Variants in RIN2 observed in about 807,000 individuals in gnomAD.
RIN2 encodes RAB5 interacting protein 2.
Under a neutral mutation model 78.0 loss-of-function variants are expected in RIN2, and 36 were observed. That is an observed-to-expected ratio of 0.46 (90% CI 0.35 to 0.61). The LOEUF (loss-of-function observed/expected upper bound fraction) is 0.61. Ranked by LOEUF, RIN2 falls within the 20% of genes least tolerant of loss-of-function variation. The probability of loss-of-function intolerance (pLI) is 0.00; values close to 1 mark genes in which losing one functional copy is unlikely to be tolerated. For missense variants in RIN2, 1,087 were observed against 1,159.7 expected (o/e 0.94, Z 0.91); for synonymous variants, 466 against 466.8 (o/e 1.00, Z 0.02).
At chr20:19,777,841 T>A (rs2034365271) in intron 1 of RIN2, among the ~76,000 whole-genome samples, 2 of 152,238 alleles carry the variant, frequency 1.3e-5, no homozygotes, top group Non-Finnish European at 2.9e-5. Context: ...TTGCCATTTT[T>A]AAAAGTCAAA....
intron 3 of RIN2, among the ~76,000 whole-genome samples, chr20:19,924,179 A>ACCTTCATACCCC: frequency 3.1e-5 from 1 of 31,944 alleles, no homozygotes; most frequent in Admixed American, 4.5e-4. Context: ...CTTCATACCC[A>ACCTTCATACCCC]CACCTTCATA....
intron 1 of RIN2, among the ~76,000 whole-genome samples, chr20:19,764,330 A>T (rs1306776360): frequency 7.8e-6 from 1 of 128,378 alleles, no homozygotes; most frequent in African/African-American, 2.7e-5. Flanking sequence ...CCTGTGTGGT[A>T]ACTGAGGGCA....
intron 1 of RIN2, among the ~76,000 whole-genome samples, chr20:19,791,359 A>G (rs2034884767): frequency 6.6e-6 from 1 of 152,248 alleles, no homozygotes; most frequent in Admixed American, 6.5e-5. Flanking sequence ...TTCCTCTTAC[A>G]TATTTAAGAA....
At chr20:19,960,886 C>A in intron 6 of RIN2, 75 bp downstream of exon 6, 3 of 921,342 alleles carry the variant, frequency 3.3e-6, no homozygotes, top group South Asian at 1.6e-5. Flanking sequence ...ATGGAAGGAG[C>A]TCTGGTTATG....
intron 3 of RIN2, among the ~76,000 whole-genome samples, chr20:19,891,271 C>T (rs2038446612): frequency 6.6e-6 from 1 of 152,172 alleles, no homozygotes; most frequent in South Asian, 2.1e-4. Flanking sequence ...AGGAGCTCCT[C>T]AAGTCCTCTG....
Position 19,984,999 on chromosome 20 carries a change from T to A in RIN2, c.1763-5007T>A, listed in dbSNP as rs539038304. Among the ~76,000 whole-genome samples the A allele has an allele frequency of 1.8e-3, 271 of 152,260 alleles. 3 individuals carry two copies. Among genetic ancestry groups the A allele is most frequent in the African/African-American group, 6.0e-3 (249 of 41,504 alleles). On this transcript the variant is annotated intron_variant, in intron 9 of 12. Coordinates refer to ENST00000255006, the MANE Select transcript of RIN2 (RefSeq NM_018993.4). Reference sequence around the variant, plus strand: ...CTGTGGACAATGATTCTGATGGCTGTCCAGACAGTGGCAGTGAGAGGGGAA... The same window carrying A: ...CTGTGGACAATGATTCTGATGGCTGACCAGACAGTGGCAGTGAGAGGGGAA...
In RIN2 at chr20:19,807,403, A is replaced by G. The variant is rs188266255; in HGVS notation, c.-37+7656A>G. ...GCTAGTTTTAGTTATCACTTTTGGC[A>G]AAATCCCAAAACCTTAATGATATTC... On this transcript the variant is annotated intron_variant, in intron 2 of 12. Transcript: ENST00000255006. 3.0e-3 allele frequency among the ~76,000 whole-genome samples: 459 copies of G among 152,316 alleles called. 1 individual carries two copies. The highest frequency in any genetic ancestry group is 0.018 in the South Asian group (86 of 4,822).
intron 3 of RIN2, among the ~76,000 whole-genome samples, chr20:19,905,907 T>G (rs1049826765): frequency 3.9e-5 from 6 of 152,204 alleles, no homozygotes; most frequent in African/African-American, 1.4e-4. Flanking sequence ...GTAGAGAAAG[T>G]TTGCTGACCA....
At chr20:19,835,075 GAGAAAGAAAGAGAAAAAGAAAGAAGA>G (rs760001264) in intron 2 of RIN2, among the ~76,000 whole-genome samples, 5,660 of 148,672 alleles carry the variant, frequency 0.038, 170 homozygotes, top group Non-Finnish European at 0.05. Context: ...AAAAGAGAAA[GAGAAAGAAAGAGAAAAAGAAAGAAGA>G]AAGAAAGAAA....
chr20:19,892,890 GC>G (rs1290421463), intron 3 of RIN2, among the ~76,000 whole-genome samples: 1 of 152,098 alleles, frequency 6.6e-6, no homozygotes, highest in African/African-American at 2.4e-5. Context: ...GGACCCACTG[GC>G]CCTGCTCTGA....
At chr20:19,942,312 A>T (rs1002909575) in intron 4 of RIN2, among the ~76,000 whole-genome samples, 2 of 152,176 alleles carry the variant, frequency 1.3e-5, no homozygotes, top group Non-Finnish European at 2.9e-5. Context: ...TCAGGTGGGA[A>T]GCAGGTAATT....
chr20:19,883,234 C>T (rs6081793), intron 2 of RIN2, among the ~76,000 whole-genome samples: 4,415 of 150,892 alleles, frequency 0.029, 82 homozygotes, highest in African/African-American at 0.041. Flanking sequence ...GCAGGGGTGG[C>T]GAAGAGGGAT....
intron 11 of RIN2, 70 bp from the exon 12 acceptor site, chr20:19,996,609 T>C (rs1224871020): frequency 6.8e-7 from 1 of 1,474,786 alleles, no homozygotes; most frequent in East Asian, 2.3e-5. Flanking sequence ...CTTCTAACGC[T>C]GGCATCCCCT....
At chr20:19,884,356 T>C (rs2038115691) in intron 2 of RIN2, among the ~76,000 whole-genome samples, 1 of 151,736 alleles carries the variant, frequency 6.6e-6, no homozygotes, top group Non-Finnish European at 1.5e-5. Context: ...GCCCAGGAGG[T>C]TGAGGGGCAG....
At chr20:19,932,758 A>C (rs1296833052) in intron 3 of RIN2, among the ~76,000 whole-genome samples, 2 of 152,184 alleles carry the variant, frequency 1.3e-5, no homozygotes, top group African/African-American at 2.4e-5. Flanking sequence ...AGTGACTTCC[A>C]AACAGAAAAA....
rs1292525764 is a variant in RIN2 at position 19,861,015 on chromosome 20, C to T, written c.-36-28551C>T. Among the ~76,000 whole-genome samples the T allele has an allele frequency of 3.9e-5, 6 of 152,256 alleles. No homozygotes were observed. The East Asian group carries it at 7.7e-4, about 20-fold the overall frequency. On this transcript the variant is annotated intron_variant, in intron 2 of 12. Transcript: ENST00000255006. ...CTATTACAAATCCTATGATAACATTCGGTCAGGTCTAAACCCACAGCCAGT... is the reference window on the plus strand; with the variant it reads ...CTATTACAAATCCTATGATAACATTTGGTCAGGTCTAAACCCACAGCCAGT...
intron 7 of RIN2, among the ~76,000 whole-genome samples, chr20:19,966,298 C>T (rs1158371299): frequency 6.6e-6 from 1 of 150,526 alleles, no homozygotes; most frequent in African/African-American, 2.4e-5. Context: ...TGACTAGACT[C>T]TGCCAGAGGG....
chr20:19,808,207 G>A (rs1228286513), intron 2 of RIN2, among the ~76,000 whole-genome samples: 3 of 152,212 alleles, frequency 2.0e-5, no homozygotes, highest in Non-Finnish European at 4.4e-5. Context: ...TAAGATGCCT[G>A]CATGCTTAGT....
At chr20:19,842,344 C>A (rs896169234) in intron 2 of RIN2, among the ~76,000 whole-genome samples, 85 of 150,982 alleles carry the variant, frequency 5.6e-4, no homozygotes, top group African/African-American at 1.9e-3. Flanking sequence ...TGCCTCAGCA[C>A]CCCCTAGTAG....
Sources: gnomAD v4.1 joint callset for allele counts (sites outside exome capture counted in the v4.1 genomes callset) on GRCh38, gnomAD v4.1.1 for gene constraint, MANE v1.5 for transcripts, NCBI Gene and HGNC (gene_info 2026-07-23, HGNC 2026-07-21) for gene names.